The following CAPN7 variants were observed in gnomAD, a reference collection of about 807,000 sequenced individuals.
The protein encoded by CAPN7 is calpain-7.
In CAPN7, 72 loss-of-function variants were observed where a neutral mutation model predicts 115.2. The ratio of observed to expected loss-of-function variants is 0.63; its 90% CI spans 0.52 to 0.76. CAPN7 has a LOEUF of 0.76. CAPN7 is among the 30% of genes least tolerant of loss of function. The probability of loss-of-function intolerance (pLI) is 0.00; values close to 1 mark genes in which losing one functional copy is unlikely to be tolerated. For synonymous variants in CAPN7, 344 were observed against 322.3 expected (o/e 1.07, Z -0.72); for missense variants, 905 against 971.5 (o/e 0.93, Z 0.91).
In CAPN7 at chr3:15,220,684, G is replaced by C. The variant is rs533476228; in HGVS notation, c.438-97G>C. 16 of 962,266 alleles carry C rather than the reference G, an allele frequency of 1.7e-5. No homozygotes were observed. The African/African-American group carries it at 2.1e-4, about 13-fold the overall frequency. The allele number at this position is 962,266 out of a possible 1,614,324, so 59.6% of individuals were successfully genotyped here. ...AATTTTATATACTAATTTTACATTAGGGATGCTTGACTGGTTCTTCAAGTA... is the reference window on the plus strand; with the variant it reads ...AATTTTATATACTAATTTTACATTACGGATGCTTGACTGGTTCTTCAAGTA... On this transcript the variant is annotated intron_variant, in intron 4 of 20. Transcript: ENST00000253693.
chr3:15,218,681 T>G lies in CAPN7; in HGVS notation c.437+141T>G, dbSNP rs780264025. On this transcript the variant is annotated intron_variant, in intron 4 of 20. Transcript: ENST00000253693. ...CTGAAACAAATCTACTTTCTACTTC[T>G]TAGTGAATTTACCTCCTCTCTCTAG... 57 of 670,596 alleles carry G rather than the reference T, an allele frequency of 8.5e-5. No individual in the cohort carries two copies. In the East Asian group the frequency reaches 1.4e-3, roughly 17 times the overall value. The allele number at this position is 670,596 out of a possible 1,614,324, so 41.5% of individuals were successfully genotyped here.
rs776030580 is a variant in CAPN7, at chr3:15,232,693, A to G, written c.1179+28A>G. The G allele has an allele frequency of 3.2e-6, 5 of 1,570,072 alleles. No homozygotes were observed. In the Admixed American group the frequency reaches 9.9e-5, roughly 31 times the overall value. The stretch of plus-strand genomic sequence containing the variant: ...AAGTAATAGATAAGACGATCCAGAC[A>G]CAGATTTAAGCTATCTAATATAACT... On this transcript the variant is annotated intron_variant, in intron 10 of 20. Coordinates refer to ENST00000253693, the MANE Select transcript of CAPN7 (RefSeq NM_014296.3).
chr3:15,240,582 AC>A lies in CAPN7; in HGVS notation c.1518del (p.Phe507LeufsTer9). 3 of 1,612,198 alleles carry A rather than the reference AC, an allele frequency of 1.9e-6. No homozygotes were observed. Among genetic ancestry groups the A allele is most frequent in the Non-Finnish European group, 2.5e-6 (3 of 1,179,486 alleles). ...NWTPELQKYL[N>X]FDPRTAQKID... ...ACTCCAGAGTTGCAAAAGTATTTAA[AC>A]TTTGATCCCCGAACAGCTCAGAAAA... is the stretch of plus-strand genomic sequence containing the variant. On this transcript the variant is annotated frameshift_variant, in exon 13 of 21. Transcript: ENST00000253693. LOFTEE classifies it high-confidence loss of function.
At chr3:15,223,684 C>G in intron 6 of CAPN7, 123 bp downstream of exon 6, 1 of 641,248 alleles carries the variant, frequency 1.6e-6, no homozygotes, top group Non-Finnish European at 2.7e-6. Flanking sequence ...AGAGGGGTGG[C>G]TGTGGGAAAG....
rs192795649 is a variant in CAPN7, at chr3:15,229,769, T to C, written c.939-673T>C. Among the ~76,000 whole-genome samples the C allele has an allele frequency of 3.1e-3, 476 of 152,150 alleles. 2 individuals are homozygous for C. The highest frequency in any genetic ancestry group is 5.1e-3 in the Non-Finnish European group (344 of 67,988). On this transcript the variant is annotated intron_variant, in intron 8 of 20. Coordinates refer to ENST00000253693, the MANE Select transcript of CAPN7 (RefSeq NM_014296.3). ...TGTGGTTACTGGGAAATATAACATA[T>C]TTCTGTTGGCTTGAACTGCTTTAGA...
At chr3:15,246,268 A>C (rs1309054939) in intron 17 of CAPN7, 1 of 156,006 alleles carries the variant, frequency 6.4e-6, no homozygotes, top group Non-Finnish European at 1.4e-5. Context: ...AAGCAATAAA[A>C]ACTTATTTCG....
At chr3:15,225,666 A>T (rs1694271261) in intron 6 of CAPN7, among the ~76,000 whole-genome samples, 1 of 152,188 alleles carries the variant, frequency 6.6e-6, no homozygotes, top group Non-Finnish European at 1.5e-5. Flanking sequence ...TACTTGCTTA[A>T]TGCTTGTCTG....
intron 19 of CAPN7, among the ~76,000 whole-genome samples, chr3:15,248,718 C>G (rs1333831350): frequency 6.6e-6 from 1 of 152,136 alleles, no homozygotes; most frequent in Non-Finnish European, 1.5e-5. Context: ...ACAGCCTGGG[C>G]ATGGTGGCTA....
chr3:15,211,388 A>T (rs1463219176), intron 1 of CAPN7, among the ~76,000 whole-genome samples: 2 of 152,198 alleles, frequency 1.3e-5, no homozygotes, highest in African/African-American at 4.8e-5. Context: ...AACTGCAGCT[A>T]TTCTAAAGAA....
Position 15,241,542 on chromosome 3 carries a change from G to A in CAPN7, c.1742G>A (p.Gly581Glu). Residue 581 changes from glycine to glutamate, a missense_variant, in exon 15 of 21, where the codon GGG (glycine) becomes GAG (glutamate). Gly to Glu is a moderately conservative substitution (Grantham distance 98). This residue lies in a region of CAPN7 where 620 missense variants were observed against 703.4 expected (regional missense o/e 0.88). Transcript: ENST00000253693. ...QYKLEVQCPQ[G>E]GAAVWVLLSR... Reference sequence around the variant, plus strand: ...AAACTGGAGGTGCAGTGTCCACAGGGGGGTGCTGCAGTTTGGGTTTTGCTT... The same window carrying A: ...AAACTGGAGGTGCAGTGTCCACAGGAGGGTGCTGCAGTTTGGGTTTTGCTT... 1 of 1,614,038 alleles carries A rather than the reference G, an allele frequency of 6.2e-7. No individual in the cohort carries two copies. Among genetic ancestry groups the A allele is most frequent in the Non-Finnish European group, 8.5e-7 (1 of 1,179,978 alleles).
At chr3:15,222,969 A>G (rs1004225582) in intron 5 of CAPN7, among the ~76,000 whole-genome samples, 1 of 152,214 alleles carries the variant, frequency 6.6e-6, no homozygotes, top group African/African-American at 2.4e-5. Flanking sequence ...AAGCATATAC[A>G]CAAAACAAGG....
intron 6 of CAPN7, among the ~76,000 whole-genome samples, chr3:15,226,338 T>A (rs564592975): frequency 5.9e-5 from 9 of 152,272 alleles, no homozygotes; most frequent in African/African-American, 1.7e-4. Flanking sequence ...CCTCCCAAAG[T>A]GCTGGGATTA....
chr3:15,221,514 A>C (rs148802761), intron 5 of CAPN7, among the ~76,000 whole-genome samples: 15 of 152,102 alleles, frequency 9.9e-5, no homozygotes, highest in Middle Eastern at 3.4e-3. Context: ...ATATTTTAAT[A>C]TTAGCGTTTT....
In CAPN7 at chr3:15,234,473, A is replaced by AAT. The variant is rs1035420035; in HGVS notation, c.1286+502_1286+503dup. ...AGCCAGTCCTCAGTTATCTTCCCTT[A>AAT]ATAGTTACAGTTAATCCAAATTGTA... On this transcript the variant is annotated intron_variant, in intron 11 of 20. Transcript: ENST00000253693. 1.6e-4 allele frequency among the ~76,000 whole-genome samples: 25 copies of AAT among 152,302 alleles called. No individual in the cohort carries two copies. The South Asian group carries it at 2.7e-3, about 16-fold the overall frequency.
At chr3:15,239,665 ATGC>A (rs1459624513) in intron 12 of CAPN7, among the ~76,000 whole-genome samples, 1 of 152,220 alleles carries the variant, frequency 6.6e-6, no homozygotes, top group Non-Finnish European at 1.5e-5. Context: ...AAATTACTAA[ATGC>A]TAGATACTTT....
chr3:15,220,206 AAAAAT>A (rs1024980838), intron 4 of CAPN7, among the ~76,000 whole-genome samples: 1 of 152,136 alleles, frequency 6.6e-6, no homozygotes, highest in Non-Finnish European at 1.5e-5. Flanking sequence ...TCTCAAAAAA[AAAAAT>A]AAAAAATTTA....
intron 19 of CAPN7, 88 bp from the exon 20 acceptor site, chr3:15,250,843 T>C (rs1695966169): frequency 2.3e-6 from 2 of 875,164 alleles, no homozygotes; most frequent in East Asian, 4.9e-5. Flanking sequence ...ATAAACTTAG[T>C]ATGACATCTG....
chr3:15,210,614 G>T (rs60533667), intron 1 of CAPN7, among the ~76,000 whole-genome samples: 12,898 of 40,908 alleles, frequency 0.32, 2,235 homozygotes, highest in African/African-American at 0.59. Flanking sequence ...TTTTTTTTTT[G>T]GACAGTATCT....
chr3:15,207,805 A>G (rs898810081), intron 1 of CAPN7, among the ~76,000 whole-genome samples: 8 of 152,192 alleles, frequency 5.3e-5, no homozygotes, highest in East Asian at 1.9e-4. Context: ...TATGATAACA[A>G]TGTCTCTTGA....
Sources: allele counts gnomAD v4.1 joint callset (sites outside exome capture counted in the v4.1 genomes callset), GRCh38; gene constraint gnomAD v4.1.1; regional missense constraint gnomAD v4.1.1; transcripts MANE v1.5; gene names NCBI Gene and HGNC (gene_info 2026-07-23, HGNC 2026-07-21).